TAF1B: variants seen among roughly 807,000 people sequenced by gnomAD.
TAF1B encodes the protein TATA box-binding protein-associated factor RNA polymerase I subunit B.
A neutral mutation model predicts 83.9 loss-of-function variants in TAF1B; 61 were observed. The ratio of observed to expected loss-of-function variants is 0.73; its 90% confidence interval spans 0.59 to 0.90. TAF1B has a LOEUF of 0.90. Among genes scored for constraint, TAF1B ranks in the 40% least tolerant of loss-of-function variants. The pLI, the probability that TAF1B is intolerant of heterozygous loss-of-function variation, is 0.00. For missense variants in TAF1B, 625 were observed against 677.0 expected (o/e 0.92, Z 0.85); for synonymous variants, 221 against 224.6 (o/e 0.98, Z 0.14).
At position 9,919,789 on chromosome 2, in the gene TAF1B, T is replaced by C. The variant is rs1665815181; in HGVS notation, c.1534T>C (p.Tyr512His). ...GQSLLTKNSL[Y>H]WLSTQKFCRC... ...ATCACTGCTGACTAAGAATTCATTA[T>C]ATTGGCTTAGTACACAGAAATTCTG... Residue 512 changes from tyrosine (Y) to histidine (H), a missense_variant, in exon 14 of 15, where the codon TAT becomes CAT. Physicochemically the swap from Tyr to His is moderately conservative, Grantham distance 83 (BLOSUM62 2). Coordinates refer to ENST00000263663, the MANE Select transcript of TAF1B (RefSeq NM_005680.3). 2.5e-6 allele frequency: 4 copies of C among 1,614,174 alleles called. No homozygotes were observed. Among genetic ancestry groups the C allele is most frequent in the African/African-American group, 2.7e-5 (2 of 75,074 alleles).
chr2:9,855,276 T>G lies in TAF1B; in HGVS notation c.399+855T>G, dbSNP rs146120412. On this transcript the variant is annotated intron_variant, in intron 5 of 14. Transcript: ENST00000263663. ...TCCCAAAGTGCTGGGATTACAGGCG[T>G]GAGCCACTGCGCCCAGCCAGTTGGA... 3.4e-4 allele frequency among the ~76,000 whole-genome samples: 52 copies of G among 152,340 alleles called. 2 individuals carry two copies. The East Asian group carries it at 7.3e-3, about 21-fold the overall frequency.
chr2:9,890,634 A>G (rs1046880050), intron 8 of TAF1B, among the ~76,000 whole-genome samples: 3 of 152,134 alleles, frequency 2.0e-5, no homozygotes, highest in African/African-American at 7.2e-5. Flanking sequence ...TTAATTGACA[A>G]ATTATAATTA....
At chr2:9,912,255 C>CT (rs376993908) in intron 11 of TAF1B, among the ~76,000 whole-genome samples, 137 of 145,066 alleles carry the variant, frequency 9.4e-4, no homozygotes, top group African/African-American at 8.1e-4. Context: ...GGGATCATAT[C>CT]TTTTTTTTTT....
rs1313616452 is a variant in TAF1B at position 9,911,493 on chromosome 2, G to A, written c.1134-18G>A. 1.1e-5 allele frequency: 16 copies of A among 1,495,284 alleles called. No individual in the cohort carries two copies. Among genetic ancestry groups the A allele is most frequent in the African/African-American group, 1.4e-5 (1 of 69,710 alleles). The allele number at this position is 1,495,284 out of a possible 1,614,324, so 92.6% of individuals were successfully genotyped here. A position where few individuals can be genotyped will look rare whatever the true frequency, so the allele number is the denominator to read the frequency against. ...ACATGACTTCTAAATAAATTGATTT[G>A]TTTATTGTTATCTCCAGGTCTTTGT... On this transcript the variant is annotated intron_variant, in intron 10 of 14. Transcript: ENST00000263663.
chr2:9,891,861 A>G (rs1664882731), intron 8 of TAF1B, among the ~76,000 whole-genome samples: 1 of 152,254 alleles, frequency 6.6e-6, no homozygotes, highest in African/African-American at 2.4e-5. Context: ...ACTAAGTTGT[A>G]TTACAGGAGT....
intron 7 of TAF1B, 33 bp downstream of exon 7, chr2:9,876,051 G>T: frequency 6.4e-7 from 1 of 1,566,026 alleles, no homozygotes; most frequent in Non-Finnish European, 8.7e-7. Context: ...TAATATTTTT[G>T]CTGGTTACTA....
intron 8 of TAF1B, among the ~76,000 whole-genome samples, chr2:9,896,125 G>A (rs1210782812): frequency 2.6e-5 from 4 of 152,002 alleles, no homozygotes; most frequent in Admixed American, 6.6e-5. Context: ...TGTATCACTC[G>A]AGAAGCCCTG....
chr2:9,884,800 C>G (rs1207007345), intron 8 of TAF1B, among the ~76,000 whole-genome samples: 1 of 152,156 alleles, frequency 6.6e-6, no homozygotes, highest in Non-Finnish European at 1.5e-5. Context: ...TCCCTGGGTG[C>G]TGCTGCAGCC....
At chr2:9,881,336 A>G (rs1664501112) in intron 7 of TAF1B, among the ~76,000 whole-genome samples, 1 of 145,420 alleles carries the variant, frequency 6.9e-6, no homozygotes, top group African/African-American at 2.5e-5. Flanking sequence ...ACTCTGTCTT[A>G]AAAAAAAAAA....
At chr2:9,888,808 T>TTTG (rs2125159358) in intron 8 of TAF1B, among the ~76,000 whole-genome samples, 3 of 145,384 alleles carry the variant, frequency 2.1e-5, no homozygotes, top group African/African-American at 2.6e-5. Context: ...TTTTTTTTTT[T>TTTG]TTTTTTTTTT....
At chr2:9,927,276 G>A (rs1206339809) in intron 14 of TAF1B, among the ~76,000 whole-genome samples, 4 of 152,134 alleles carry the variant, frequency 2.6e-5, no homozygotes, top group Admixed American at 2.0e-4. Context: ...ATCATTGAAG[G>A]ACATTTGGGT....
In TAF1B at chr2:9,922,974, G is replaced by T. The variant is rs78572099; in HGVS notation, c.1565+3154G>T. Reference sequence around the variant, plus strand: ...AATGTTATTTCCTGGTCTGGGCTTGGTGGCTCCACCTGTAATCCTAGCACT... The same window carrying T: ...AATGTTATTTCCTGGTCTGGGCTTGTTGGCTCCACCTGTAATCCTAGCACT... On this transcript the variant is annotated intron_variant, in intron 14 of 14. Coordinates refer to ENST00000263663, the MANE Select transcript of TAF1B (RefSeq NM_005680.3). Among the ~76,000 whole-genome samples, 1,289 of 152,246 alleles carry T rather than the reference G, an allele frequency of 8.5e-3. 22 individuals are homozygous for T. Among genetic ancestry groups the T allele is most frequent in the African/African-American group, 0.029 (1,209 of 41,526 alleles).
intron 7 of TAF1B, among the ~76,000 whole-genome samples, chr2:9,882,499 ATCAT>A (rs1664541188): frequency 6.6e-6 from 1 of 152,206 alleles, no homozygotes; most frequent in African/African-American, 2.4e-5. Context: ...ACTTAAGAGA[ATCAT>A]TCAGTAATTG....
intron 5 of TAF1B, among the ~76,000 whole-genome samples, chr2:9,855,360 A>G (rs1388820848): frequency 6.6e-6 from 1 of 152,168 alleles, no homozygotes; most frequent in Admixed American, 6.5e-5. Flanking sequence ...CGATAAACCC[A>G]TTGTAAGCTG....
Position 9,868,400 on chromosome 2 carries a change from CT to C in TAF1B, c.527del (p.Phe176SerfsTer32), listed in dbSNP as rs1664063646. On this transcript the variant is annotated frameshift_variant, in exon 6 of 15. Coordinates refer to ENST00000263663, the MANE Select transcript of TAF1B (RefSeq NM_005680.3). LOFTEE classifies it high-confidence loss of function. Reference protein sequence around the residue: ...ESQSDIHTRKPFPVSKASQSE... With the variant: ...ESQSDIHTRKXFPVSKASQSE... Reference sequence around the variant, plus strand: ...CAGTCTGACATCCACACTCGAAAACCTTTCCCCGTCAGCAAAGCATCACAAT... The same window carrying C: ...CAGTCTGACATCCACACTCGAAAACCTTCCCCGTCAGCAAAGCATCACAAT... 2 of 1,613,068 alleles carry C rather than the reference CT, an allele frequency of 1.2e-6. No homozygotes were observed. The highest frequency in any genetic ancestry group is 1.6e-4 in the Middle Eastern group (1 of 6,080).
At chr2:9,866,783 G>A (rs1663991824) in intron 5 of TAF1B, among the ~76,000 whole-genome samples, 2 of 152,206 alleles carry the variant, frequency 1.3e-5, no homozygotes, top group South Asian at 4.1e-4. Flanking sequence ...CATGTCCTTT[G>A]TAGGGACATG....
intron 6 of TAF1B, among the ~76,000 whole-genome samples, chr2:9,872,265 G>T (rs2125149109): frequency 6.6e-6 from 1 of 151,626 alleles, no homozygotes. Flanking sequence ...GTTGGAGGTT[G>T]TGGTGAGCTG....
chr2:9,849,488 C>CATCTTTCAT (rs1663315912), intron 3 of TAF1B, 28 bp downstream of exon 3: 1 of 1,452,068 alleles, frequency 6.9e-7, no homozygotes, highest in South Asian at 1.3e-5. Flanking sequence ...ATGTACTTAA[C>CATCTTTCAT]ATTCTTTATT....
At position 9,919,616 on chromosome 2, in the gene TAF1B, A is replaced by C; in HGVS notation, c.1361A>C (p.Gln454Pro). ...GTTCCAGAAATGGTGGTGAATCTACAGAAACAATTTAGCACACTGGTCGAG... is the reference window on the plus strand; with the variant it reads ...GTTCCAGAAATGGTGGTGAATCTACCGAAACAATTTAGCACACTGGTCGAG... ...YKKREMVVNL[Q>P]KQFSTLVEST... is the part of the protein sequence containing the mutation. Residue 454 changes from glutamine to proline, a missense_variant, in exon 14 of 15, where the codon CAG becomes CCG. Coordinates refer to ENST00000263663, the MANE Select transcript of TAF1B (RefSeq NM_005680.3). The C allele has an allele frequency of 6.2e-7, 1 of 1,614,120 alleles. No homozygotes were observed. Among genetic ancestry groups the C allele is most frequent in the Non-Finnish European group, 8.5e-7 (1 of 1,180,000 alleles).
Sources: gnomAD v4.1 joint callset for allele counts (sites outside exome capture counted in the v4.1 genomes callset) on GRCh38, gnomAD v4.1.1 for gene constraint, MANE v1.5 for transcripts, NCBI Gene and HGNC (gene_info 2026-07-23, HGNC 2026-07-21) for gene names.